Variants in SLIT3 observed in about 807,000 individuals in gnomAD.
SLIT3 encodes the protein slit homolog 3 protein.
Under a neutral mutation model 184.0 loss-of-function variants are expected in SLIT3, and 68 were observed. That is an observed-to-expected ratio of 0.37 (90% confidence interval 0.30 to 0.45). The LOEUF (loss-of-function observed/expected upper bound fraction) is 0.45. Ranked by LOEUF, SLIT3 falls within the 20% of genes least tolerant of loss-of-function variation. SLIT3 has a pLI of 1.00. For missense variants in SLIT3, 1,707 were observed against 2,026.0 expected (o/e 0.84, Z 3.02); for synonymous variants, 831 against 828.6 (o/e 1.00, Z -0.05).
intron 1 of SLIT3, among the ~76,000 whole-genome samples, chr5:169,255,312 A>G (rs961050605): frequency 6.6e-6 from 1 of 152,222 alleles, no homozygotes; most frequent in Non-Finnish European, 1.5e-5. Flanking sequence ...CATTGTTATC[A>G]TAAGAGATGA....
At chr5:169,135,688 C>A (rs1423068382) in intron 4 of SLIT3, among the ~76,000 whole-genome samples, 1 of 152,108 alleles carries the variant, frequency 6.6e-6, no homozygotes, top group Non-Finnish European at 1.5e-5. Context: ...GGGATGCACA[C>A]AAAAAACATC....
At chr5:169,045,005 T>G (rs1434186892) in intron 4 of SLIT3, among the ~76,000 whole-genome samples, 1 of 152,186 alleles carries the variant, frequency 6.6e-6, no homozygotes, top group Admixed American at 6.5e-5. Flanking sequence ...GAAGAACTCC[T>G]CCATGGTTCA....
chr5:169,167,268 CTTTT>C (rs11287374), intron 4 of SLIT3, among the ~76,000 whole-genome samples: 2 of 90,590 alleles, frequency 2.2e-5, no homozygotes, highest in African/African-American at 4.4e-5. Flanking sequence ...GTTCTAAGCA[CTTTT>C]TTTTTTTTTT....
intron 1 of SLIT3, among the ~76,000 whole-genome samples, chr5:169,275,614 C>T (rs557604232): frequency 6.6e-6 from 1 of 152,228 alleles, no homozygotes; most frequent in Admixed American, 6.5e-5. Context: ...GGGTGAAAGG[C>T]ACTTCTTATA....
Position 169,052,032 on chromosome 5 carries a change from C to T in SLIT3, c.413+141447G>A, listed in dbSNP as rs575272777. Among the ~76,000 whole-genome samples the T allele has an allele frequency of 3.4e-4, 52 of 152,212 alleles. 3 individuals are homozygous for T. Among genetic ancestry groups the T allele is most frequent in the South Asian group, 2.1e-4 (1 of 4,816 alleles). On this transcript the variant is annotated intron_variant, in intron 4 of 35. Coordinates refer to ENST00000519560, the MANE Select transcript of SLIT3 (RefSeq NM_003062.4). ...TGTACTGAAGGCTAGTTACAATAAC[C>T]GGACATCCCCAGCCCCCTTCAGAAA...
At chr5:169,122,553 G>C (rs990676039) in intron 4 of SLIT3, among the ~76,000 whole-genome samples, 18 of 152,214 alleles carry the variant, frequency 1.2e-4, no homozygotes, top group African/African-American at 4.1e-4. Flanking sequence ...TCTCTGTAAA[G>C]CTATATCAGT....
intron 9 of SLIT3, 32 bp downstream of exon 9, chr5:168,806,413 CA>C (rs1561943005): frequency 6.2e-7 from 1 of 1,613,160 alleles, no homozygotes. Context: ...TCTCCGGCGA[CA>C]GTTGTTGGGG....
At chr5:168,679,524 G>C (rs143557414) in intron 32 of SLIT3, among the ~76,000 whole-genome samples, 1 of 152,252 alleles carries the variant, frequency 6.6e-6, no homozygotes, top group East Asian at 1.9e-4. Context: ...AAAGACTTAA[G>C]GGTCAGAGAC....
chr5:169,027,142 C>G (rs1756861447), intron 4 of SLIT3, among the ~76,000 whole-genome samples: 1 of 152,102 alleles, frequency 6.6e-6, no homozygotes, highest in South Asian at 2.1e-4. Context: ...TGCTCATGTG[C>G]CCTGGGGTTC....
chr5:168,665,439 A>ACTACCTTCT lies in SLIT3; in HGVS notation c.*1006_*1014dup, dbSNP rs1356262738. ...AGCCTTCCGCTTCCAAGAAGGGCTG[A>ACTACCTTCT]CTACCTTCTCTACTGGGATACATTC... On this transcript the variant is annotated 3_prime_UTR_variant, in exon 36 of 36. Coordinates refer to ENST00000519560, the MANE Select transcript of SLIT3 (RefSeq NM_003062.4). The ACTACCTTCT allele has an allele frequency of 2.0e-5, 3 of 152,254 alleles. No individual in the cohort carries two copies. Among genetic ancestry groups the ACTACCTTCT allele is most frequent in the Non-Finnish European group, 2.9e-5 (2 of 68,104 alleles). The allele number at this position is 152,254 out of a possible 1,614,324, so 9.4% of individuals were successfully genotyped here. A position where few individuals can be genotyped will look rare whatever the true frequency, so the allele number is the denominator to read the frequency against.
intron 14 of SLIT3, 40 bp from the exon 15 acceptor site, chr5:168,762,729 T>A: frequency 6.2e-7 from 1 of 1,602,614 alleles, no homozygotes; most frequent in Non-Finnish European, 8.5e-7. Context: ...GTCACCCGAG[T>A]TCCACGCACA....
intron 4 of SLIT3, among the ~76,000 whole-genome samples, chr5:168,992,679 T>A (rs902409991): frequency 6.6e-6 from 1 of 152,074 alleles, no homozygotes; most frequent in Admixed American, 6.5e-5. Context: ...CCAGCGGCCA[T>A]CTGTCCCCCT....
At chr5:168,684,735 G>A (rs900908651) in intron 31 of SLIT3, among the ~76,000 whole-genome samples, 3 of 152,108 alleles carry the variant, frequency 2.0e-5, no homozygotes, top group South Asian at 2.1e-4. Context: ...CTCCCAAAGC[G>A]CTGGGCTTAC....
intron 8 of SLIT3, among the ~76,000 whole-genome samples, chr5:168,813,220 T>C (rs1211155521): frequency 2.6e-5 from 4 of 151,134 alleles, no homozygotes; most frequent in African/African-American, 9.7e-5. Flanking sequence ...TTGCGACTGG[T>C]AGAAACCCTT....
At chr5:169,000,255 G>A (rs1755657866) in intron 4 of SLIT3, among the ~76,000 whole-genome samples, 1 of 151,896 alleles carries the variant, frequency 6.6e-6, no homozygotes, top group African/African-American at 2.4e-5. Context: ...AGCTGGGCAT[G>A]GTGGTGTGTG....
intron 4 of SLIT3, among the ~76,000 whole-genome samples, chr5:168,921,549 T>C (rs553610404): frequency 6.6e-6 from 1 of 152,360 alleles, no homozygotes; most frequent in African/African-American, 2.4e-5. Flanking sequence ...TAGTTCTCTT[T>C]TATTAAAAGA....
Position 168,815,196 on chromosome 5 carries a change from A to G in SLIT3, c.793+2104T>C, listed in dbSNP as rs1294945630. On this transcript the variant is annotated intron_variant, in intron 8 of 35. Coordinates refer to ENST00000519560, the MANE Select transcript of SLIT3 (RefSeq NM_003062.4). Reference sequence around the variant, plus strand: ...TTGATAAAGGTGCTCCCACGTAACTACGAACCTGTCCGCTGGACCTAGCCT... The same window carrying G: ...TTGATAAAGGTGCTCCCACGTAACTGCGAACCTGTCCGCTGGACCTAGCCT... Among the ~76,000 whole-genome samples the G allele has an allele frequency of 2.0e-5, 3 of 152,358 alleles. No homozygotes were observed. The East Asian group carries it at 5.8e-4, about 29-fold the overall frequency.
intron 4 of SLIT3, among the ~76,000 whole-genome samples, chr5:169,064,755 C>A (rs1272944948): frequency 6.6e-6 from 1 of 152,170 alleles, no homozygotes; most frequent in South Asian, 2.1e-4. Context: ...TGATTCAATT[C>A]TAGGAGCACT....
At chr5:168,866,591 T>G (rs1759308857) in intron 5 of SLIT3, among the ~76,000 whole-genome samples, 1 of 152,214 alleles carries the variant, frequency 6.6e-6, no homozygotes, top group Non-Finnish European at 1.5e-5. Flanking sequence ...TTCCCCCACT[T>G]TTTATTCTCA....
Sources: allele counts gnomAD v4.1 joint callset (sites outside exome capture counted in the v4.1 genomes callset), GRCh38; gene constraint gnomAD v4.1.1; transcripts MANE v1.5; gene names NCBI Gene and HGNC (gene_info 2026-07-23, HGNC 2026-07-21).